The following EML6 variants were observed in gnomAD, a reference collection of about 807,000 sequenced individuals.
The protein encoded by EML6 is echinoderm microtubule-associated protein-like 6.
Under a neutral mutation model 240.1 loss-of-function variants are expected in EML6, and 154 were observed. That is an observed-to-expected ratio of 0.64 (90% CI 0.56 to 0.73). The LOEUF is 0.73. EML6 is among the 30% of genes least tolerant of loss of function. EML6 has a pLI of 0.00. For missense variants in EML6, 2,964 were observed against 2,474.6 expected, an observed-to-expected ratio of 1.20 and a Z score of -4.20; for synonymous variants, 1,148 against 899.0, an observed-to-expected ratio of 1.28 and a Z score of -4.95.
At chr2:54,831,288 G>A (rs537147591) in intron 7 of EML6, among the ~76,000 whole-genome samples, 32 of 152,272 alleles carry the variant, frequency 2.1e-4, no homozygotes, top group Non-Finnish European at 3.8e-4. Context: ...TCCAAAAATT[G>A]TATCACATAA....
intron 32 of EML6, among the ~76,000 whole-genome samples, chr2:54,957,354 GA>G (rs11315862): frequency 0.56 from 59,336 of 106,096 alleles, 17,185 homozygotes; most frequent in Middle Eastern, 0.68. Flanking sequence ...AGAATCTTAG[GA>G]AAAAAAAAAA....
chr2:54,910,929 T>C (rs1270340616), intron 24 of EML6, 25 bp from the exon 25 acceptor site: 3 of 1,243,750 alleles, frequency 2.4e-6, no homozygotes, highest in Non-Finnish European at 3.4e-6. Flanking sequence ...TTTAATTATC[T>C]CTCTACTTCG....
intron 19 of EML6, 96 bp from the exon 20 acceptor site, chr2:54,894,819 A>G (rs1034736527): frequency 1.7e-5 from 12 of 720,322 alleles, no homozygotes; most frequent in Non-Finnish European, 2.4e-5. Flanking sequence ...GGTAGCATCC[A>G]CAAAGCTTCC....
chr2:54,911,186 A>G lies in EML6; in HGVS notation c.3498+144A>G, dbSNP rs537364587. On this transcript the variant is annotated intron_variant, in intron 25 of 41. Coordinates refer to ENST00000356458, the MANE Select transcript of EML6 (RefSeq NM_001039753.4). ...GATCGTGTCTTCAATCTGATTGCTT[A>G]ATCTGGTTTCCAGGTTCCCAGAACA... 145 of 516,776 alleles carry G rather than the reference A, an allele frequency of 2.8e-4. 2 individuals are homozygous for G. Among genetic ancestry groups the G allele is most frequent in the African/African-American group, 2.6e-3 (140 of 53,108 alleles). The allele number at this position is 516,776 out of a possible 1,614,324, so 32.0% of individuals were successfully genotyped here. A position where few individuals can be genotyped will look rare whatever the true frequency, so the allele number is the denominator to read the frequency against.
chr2:54,836,743 C>G (rs954242209), intron 7 of EML6, among the ~76,000 whole-genome samples: 1 of 152,188 alleles, frequency 6.6e-6, no homozygotes, highest in African/African-American at 2.4e-5. Flanking sequence ...GCATGCTTTG[C>G]TGTCACTTGC....
At chr2:54,910,145 C>A (rs1274135027) in intron 24 of EML6, among the ~76,000 whole-genome samples, 1 of 152,108 alleles carries the variant, frequency 6.6e-6, no homozygotes. Context: ...GTGTTAATAG[C>A]TGTTGAGGCT....
intron 12 of EML6, among the ~76,000 whole-genome samples, chr2:54,860,249 C>G (rs1558622606): frequency 6.6e-6 from 1 of 152,166 alleles, no homozygotes; most frequent in Non-Finnish European, 1.5e-5. Flanking sequence ...CGTGGACTGG[C>G]TCTTAATTCA....
intron 26 of EML6, among the ~76,000 whole-genome samples, chr2:54,926,905 A>T (rs138565948): frequency 6.6e-6 from 1 of 152,074 alleles, no homozygotes; most frequent in Non-Finnish European, 1.5e-5. Flanking sequence ...TCCCTCTTAT[A>T]AGTTGAGGGT....
chr2:54,926,292 G>C (rs1453843608), intron 26 of EML6, among the ~76,000 whole-genome samples: 2 of 151,980 alleles, frequency 1.3e-5, no homozygotes, highest in Non-Finnish European at 2.9e-5. Context: ...AGTAGAGTCA[G>C]GGTTTCACCA....
intron 2 of EML6, among the ~76,000 whole-genome samples, chr2:54,729,939 T>C (rs1683081477): frequency 1.3e-5 from 2 of 152,146 alleles, no homozygotes; most frequent in African/African-American, 4.8e-5. Flanking sequence ...GGTTCAGGAC[T>C]AGCCTGGGTG....
At chr2:54,964,841 ACT>A in intron 38 of EML6, 108 bp downstream of exon 38, 3 of 987,620 alleles carry the variant, frequency 3.0e-6, no homozygotes, top group Non-Finnish European at 4.4e-6. Flanking sequence ...GTGCTAACTC[ACT>A]CTTCACCAGA....
chr2:54,726,713 G>T (rs1682924648), intron 2 of EML6, among the ~76,000 whole-genome samples: 1 of 152,110 alleles, frequency 6.6e-6, no homozygotes, highest in East Asian at 1.9e-4. Flanking sequence ...TAATTGCTAG[G>T]CTGATTATGA....
chr2:54,874,814 T>G (rs1158319743), intron 16 of EML6, among the ~76,000 whole-genome samples: 1 of 152,168 alleles, frequency 6.6e-6, no homozygotes, highest in Non-Finnish European at 1.5e-5. Context: ...ATAATATAGT[T>G]TGAGTCTTAA....
At chr2:54,883,518 G>C (rs1001266324) in intron 17 of EML6, among the ~76,000 whole-genome samples, 35 of 152,186 alleles carry the variant, frequency 2.3e-4, no homozygotes, top group Admixed American at 1.1e-3. Context: ...AAGTCACCCA[G>C]TGTGCAGTTG....
In EML6 at chr2:54,775,260, C is replaced by T. The variant is rs565342382; in HGVS notation, c.198-37972C>T. 5.1e-4 allele frequency among the ~76,000 whole-genome samples: 78 copies of T among 152,340 alleles called. 1 individual carries two copies. Among genetic ancestry groups the T allele is most frequent in the Admixed American group, 3.9e-3 (60 of 15,304 alleles). On this transcript the variant is annotated intron_variant, in intron 2 of 41. Coordinates refer to ENST00000356458, the MANE Select transcript of EML6 (RefSeq NM_001039753.4). Reference sequence around the variant, plus strand: ...GAAATGCGGAGTCCTTGCCATTCCTCGCTAGGCCCTGCAGGCACTGGCCCC... The same window carrying T: ...GAAATGCGGAGTCCTTGCCATTCCTTGCTAGGCCCTGCAGGCACTGGCCCC...
At position 54,866,799 on chromosome 2, in the gene EML6, CAAAGT is replaced by C; in HGVS notation, c.1971_1975del (p.Ser657ArgfsTer16). 6.4e-7 allele frequency: 1 copy of C among 1,550,966 alleles called. No homozygotes were observed. Among genetic ancestry groups the C allele is most frequent in the Non-Finnish European group, 8.7e-7 (1 of 1,146,420 alleles). ...AGAAGATCTACCTCAGCTAAAGCAA[CAAAGT>C]AAAGAGAAAAACCACGCAGTGCCCT... On this transcript the variant is annotated frameshift_variant, in exon 14 of 42. Transcript: ENST00000356458. LOFTEE classifies it high-confidence loss of function.
chr2:54,911,517 C>A (rs1286672322), intron 25 of EML6, among the ~76,000 whole-genome samples: 3 of 152,010 alleles, frequency 2.0e-5, no homozygotes, highest in East Asian at 3.9e-4. Context: ...GCAACCTCCC[C>A]CTCCCAGGTT....
chr2:54,732,801 TAGTG>T lies in EML6; in HGVS notation c.197+7548_197+7551del, dbSNP rs1245914005. ...TTTATAAAGTAAACTATAACTTAAATAGTGAGTGCAGTGTTTAGTAACTGCTGGT... is the reference window on the plus strand; with the variant it reads ...TTTATAAAGTAAACTATAACTTAAATAGTGCAGTGTTTAGTAACTGCTGGT... On this transcript the variant is annotated intron_variant, in intron 2 of 41. Coordinates refer to ENST00000356458, the MANE Select transcript of EML6 (RefSeq NM_001039753.4). Among the ~76,000 whole-genome samples the T allele has an allele frequency of 7.9e-5, 12 of 152,340 alleles. No homozygotes were observed. In the East Asian group the frequency reaches 2.3e-3, roughly 29 times the overall value.
At chr2:54,759,916 A>G (rs536937492) in intron 2 of EML6, among the ~76,000 whole-genome samples, 1 of 150,424 alleles carries the variant, frequency 6.6e-6, no homozygotes, top group South Asian at 2.1e-4. Context: ...ATATATTTAT[A>G]TATATTTTAA....
Sources: gnomAD v4.1 joint callset for allele counts (sites outside exome capture counted in the v4.1 genomes callset) on GRCh38, gnomAD v4.1.1 for gene constraint, MANE v1.5 for transcripts, NCBI Gene and HGNC (gene_info 2026-07-23, HGNC 2026-07-21) for gene names.